GALNT13: variants seen among roughly 807,000 people sequenced by gnomAD.
The protein encoded by GALNT13 is polypeptide N-acetylgalactosaminyltransferase 13.
In GALNT13, 28 loss-of-function variants were observed where a neutral mutation model predicts 64.2. That is an observed-to-expected ratio of 0.44 (90% CI 0.32 to 0.60). GALNT13 has a LOEUF of 0.60. GALNT13 is among the 20% of genes least tolerant of loss of function. GALNT13 has a pLI of 0.05. For missense variants in GALNT13, 577 were observed against 669.8 expected (o/e 0.86, Z 1.53); for synonymous variants, 214 against 224.6 (o/e 0.95, Z 0.42).
chr2:153,129,098 C>G, the GALNT13 span, among the ~76,000 whole-genome samples: 1 of 152,158 alleles, frequency 6.6e-6, no homozygotes, highest in Non-Finnish European at 1.5e-5. Context: ...CGAATACTGG[C>G]TTTGATTCCT....
intron 3 of GALNT13, among the ~76,000 whole-genome samples, chr2:153,969,180 T>C (rs1693579839): frequency 6.6e-6 from 1 of 152,212 alleles, no homozygotes; most frequent in Admixed American, 6.5e-5. Context: ...TGATCTCACT[T>C]CCTCCATTTT....
chr2:153,298,902 T>A, the GALNT13 span, among the ~76,000 whole-genome samples: 2 of 152,198 alleles, frequency 1.3e-5, no homozygotes, highest in South Asian at 2.1e-4. Flanking sequence ...ATCAATACTT[T>A]ATGAAAATTA....
the GALNT13 span, among the ~76,000 whole-genome samples, chr2:153,438,809 CCTT>C: frequency 1.0e-3 from 156 of 152,118 alleles, no homozygotes; most frequent in African/African-American, 3.6e-3. Context: ...TCTTCTGAAG[CCTT>C]CTTCTCTCAT....
chr2:153,418,421 T>C, the GALNT13 span, among the ~76,000 whole-genome samples: 1 of 151,972 alleles, frequency 6.6e-6, no homozygotes, highest in Non-Finnish European at 1.5e-5. Context: ...AAGAGAGGGA[T>C]AGGAAGTAAA....
chr2:153,229,128 C>A, the GALNT13 span, among the ~76,000 whole-genome samples: 1 of 152,160 alleles, frequency 6.6e-6, no homozygotes, highest in African/African-American at 2.4e-5. Flanking sequence ...GTGGGGCATA[C>A]ACTAGCAAAC....
chr2:153,379,447 C>T, the GALNT13 span, among the ~76,000 whole-genome samples: 1 of 152,132 alleles, frequency 6.6e-6, no homozygotes, highest in Admixed American at 6.6e-5. Context: ...ACTTACAAGG[C>T]TCCTTTAGGG....
At chr2:153,843,602 A>T in the GALNT13 span, among the ~76,000 whole-genome samples, 1 of 152,154 alleles carries the variant, frequency 6.6e-6, no homozygotes, top group Non-Finnish European at 1.5e-5. Context: ...CCCAATAGTC[A>T]CCCAAACTCT....
chr2:153,236,622 G>C, the GALNT13 span, among the ~76,000 whole-genome samples: 1 of 151,988 alleles, frequency 6.6e-6, no homozygotes, highest in Non-Finnish European at 1.5e-5. Flanking sequence ...AGTATGGTTT[G>C]CTGAATATTT....
the GALNT13 span, among the ~76,000 whole-genome samples, chr2:153,092,286 G>GT: frequency 3.3e-5 from 5 of 151,994 alleles, no homozygotes; most frequent in African/African-American, 4.8e-5. Context: ...GATTTCCTCC[G>GT]TTTTGTTCCT....
the GALNT13 span, among the ~76,000 whole-genome samples, chr2:153,268,031 C>A: frequency 1.2e-4 from 18 of 152,248 alleles, no homozygotes; most frequent in East Asian, 3.5e-3. Context: ...CCACTGCTGG[C>A]CCTTCCCAAA....
chr2:154,227,119 T>C (rs1437363913), intron 4 of GALNT13, among the ~76,000 whole-genome samples: 1 of 152,062 alleles, frequency 6.6e-6, no homozygotes, highest in East Asian at 1.9e-4. Flanking sequence ...TTTAAGGACT[T>C]CTAGGCTCAG....
At chr2:153,646,352 G>A in the GALNT13 span, among the ~76,000 whole-genome samples, 10 of 151,496 alleles carry the variant, frequency 6.6e-5, no homozygotes, top group Non-Finnish European at 1.3e-4. Flanking sequence ...TATTGACATG[G>A]TTATTTACTC....
the GALNT13 span, among the ~76,000 whole-genome samples, chr2:153,792,010 G>C: frequency 1.3e-5 from 2 of 152,030 alleles, no homozygotes; most frequent in Non-Finnish European, 2.9e-5. Context: ...ACTAACCCCA[G>C]TGACAAGAAT....
At chr2:153,801,246 T>C in the GALNT13 span, among the ~76,000 whole-genome samples, 2 of 152,182 alleles carry the variant, frequency 1.3e-5, no homozygotes, top group South Asian at 2.1e-4. Context: ...TTTTAAATTT[T>C]CTTCAAAAAT....
chr2:154,016,926 G>A (rs916742999), intron 3 of GALNT13, among the ~76,000 whole-genome samples: 3 of 152,208 alleles, frequency 2.0e-5, no homozygotes, highest in African/African-American at 7.2e-5. Context: ...CTTAAGAAAT[G>A]AAGAATGTGG....
At chr2:153,085,665 C>T in the GALNT13 span, among the ~76,000 whole-genome samples, 2 of 152,146 alleles carry the variant, frequency 1.3e-5, no homozygotes, top group African/African-American at 4.8e-5. Flanking sequence ...ATTAAGATGC[C>T]TGGATATCCA....
chr2:153,851,922 C>T, the GALNT13 span, among the ~76,000 whole-genome samples: 2 of 152,036 alleles, frequency 1.3e-5, no homozygotes, highest in African/African-American at 4.8e-5. Context: ...GAGGGGAAAA[C>T]GAAGTATACT....
rs141107743 is a variant in GALNT13, at chr2:153,936,051, A to T, written c.-104-8343A>T. Among the ~76,000 whole-genome samples, 853 of 152,348 alleles carry T rather than the reference A, an allele frequency of 5.6e-3. 1 individual carries two copies. The highest frequency in any genetic ancestry group is 0.01 in the Middle Eastern group (3 of 294). On this transcript the variant is annotated intron_variant, in intron 2 of 12. Transcript: ENST00000392825. ...CTCATTATACCTCCCATGTTTGCCC[A>T]CATAGGCCATTGTAGAGGGATTCAG...
At chr2:154,325,905 C>T (rs749147370) in intron 9 of GALNT13, among the ~76,000 whole-genome samples, 6 of 152,134 alleles carry the variant, frequency 3.9e-5, no homozygotes, top group Admixed American at 2.0e-4. Flanking sequence ...AAATGAGCAC[C>T]ACTTGGGAAC....
Sources: gnomAD v4.1 joint callset for allele counts (sites outside exome capture counted in the v4.1 genomes callset) on GRCh38, gnomAD v4.1.1 for gene constraint, MANE v1.5 for transcripts, NCBI Gene and HGNC (gene_info 2026-07-23, HGNC 2026-07-21) for gene names.